Variants in NEK10 observed in about 807,000 individuals in gnomAD.
NEK10 encodes the protein serine/threonine-protein kinase Nek10.
NEK10 carries 122 observed loss-of-function variants against 159.8 expected under a neutral mutation model. That is an observed-to-expected ratio of 0.76 (90% CI 0.66 to 0.89). The LOEUF (loss-of-function observed/expected upper bound fraction) is 0.89. Ranked by LOEUF, NEK10 falls within the 40% of genes least tolerant of loss-of-function variation. NEK10 has a pLI of 0.00. For synonymous variants in NEK10, 466 were observed against 457.1 expected (o/e 1.02, Z -0.25); for missense variants, 1,342 against 1,323.1 (o/e 1.01, Z -0.22).
At chr3:27,310,497 C>T (rs1343115670) in intron 9 of NEK10, 1 of 152,446 alleles carries the variant, frequency 6.6e-6, no homozygotes, top group Non-Finnish European at 1.5e-5. Context: ...ACAGTCTAAA[C>T]AGTTTTGCTA....
chr3:27,301,441 T>G (rs796707730), intron 13 of NEK10, among the ~76,000 whole-genome samples: 12 of 152,340 alleles, frequency 7.9e-5, no homozygotes, highest in African/African-American at 2.9e-4. Context: ...GCTAATGTTT[T>G]GTATCCTTAT....
At chr3:27,300,826 G>GA (rs1203494358) in intron 13 of NEK10, among the ~76,000 whole-genome samples, 3 of 152,194 alleles carry the variant, frequency 2.0e-5, no homozygotes, top group Admixed American at 2.0e-4. Flanking sequence ...TGAGACAGGG[G>GA]CCTTTCAGAG....
chr3:27,362,473 G>C (rs1185522646), intron 1 of NEK10, among the ~76,000 whole-genome samples: 1 of 151,974 alleles, frequency 6.6e-6, no homozygotes, highest in African/African-American at 2.4e-5. Context: ...GAATTGACCT[G>C]AGATAATGTT....
chr3:27,134,731 A>G (rs2125537643), intron 31 of NEK10, among the ~76,000 whole-genome samples: 1 of 152,332 alleles, frequency 6.6e-6, no homozygotes, highest in East Asian at 1.9e-4. Context: ...TCTTACTGGA[A>G]TAATTATTAC....
intron 33 of NEK10, among the ~76,000 whole-genome samples, chr3:27,117,769 G>C (rs1246123214): frequency 6.6e-6 from 1 of 152,090 alleles, no homozygotes; most frequent in African/African-American, 2.4e-5. Flanking sequence ...TCTTTCTGTA[G>C]GTTGTCTGTA....
intron 18 of NEK10, 98 bp downstream of exon 18, chr3:27,291,164 T>C (rs2042966163): frequency 8.8e-7 from 1 of 1,140,322 alleles, no homozygotes; most frequent in African/African-American, 1.6e-5. Context: ...TTGCTATTTT[T>C]CAATGACAAG....
At chr3:27,348,431 T>C (rs2047723608) in intron 3 of NEK10, among the ~76,000 whole-genome samples, 1 of 152,170 alleles carries the variant, frequency 6.6e-6, no homozygotes, top group African/African-American at 2.4e-5. Context: ...GCATCGATAG[T>C]TGCAAAGACC....
chr3:27,184,296 T>C (rs1183208551), intron 26 of NEK10, among the ~76,000 whole-genome samples: 1 of 152,214 alleles, frequency 6.6e-6, no homozygotes, highest in Non-Finnish European at 1.5e-5. Context: ...CATAGATATT[T>C]TGTCATGGAA....
rs549686934 is a variant in NEK10 at position 27,250,517 on chromosome 3, T to C, written c.2090+5779A>G. 1.4e-4 allele frequency among the ~76,000 whole-genome samples: 22 copies of C among 152,290 alleles called. No homozygotes were observed. In the South Asian group the frequency reaches 4.6e-3, roughly 32 times the overall value. On this transcript the variant is annotated intron_variant, in intron 23 of 35. Coordinates refer to ENST00000691995, the MANE Select transcript of NEK10 (RefSeq NM_001394966.1). Reference sequence around the variant, plus strand: ...TTTACTATTACCAGTGAGTTTTGTATGTTCAGATGGTTTCTTATTCCTCAT... The same window carrying C: ...TTTACTATTACCAGTGAGTTTTGTACGTTCAGATGGTTTCTTATTCCTCAT...
intron 23 of NEK10, among the ~76,000 whole-genome samples, chr3:27,246,127 T>G (rs1269978665): frequency 6.6e-6 from 1 of 152,210 alleles, no homozygotes; most frequent in Admixed American, 6.5e-5. Context: ...CAGAGAGCTT[T>G]CTTTCTTGCG....
rs757903821 is a variant in NEK10 at position 27,200,860 on chromosome 3, G to A, written c.2291+650C>T. On this transcript the variant is annotated intron_variant, in intron 25 of 35. Coordinates refer to ENST00000691995, the MANE Select transcript of NEK10 (RefSeq NM_001394966.1). The stretch of plus-strand genomic sequence containing the variant: ...AGTTCTAGGAAACCATGAAAGCAAG[G>A]GCAAAAGTCTAGAAGGAGGGTGCAT... Among the ~76,000 whole-genome samples the A allele has an allele frequency of 3.7e-4, 56 of 152,042 alleles. 1 individual carries two copies. The highest frequency in any genetic ancestry group is 4.7e-4 in the Non-Finnish European group (32 of 68,010).
At chr3:27,238,476 C>T (rs998834042) in intron 23 of NEK10, among the ~76,000 whole-genome samples, 4 of 152,014 alleles carry the variant, frequency 2.6e-5, no homozygotes, top group African/African-American at 9.7e-5. Context: ...AAACTTTAAT[C>T]AACAAATTAT....
At chr3:27,242,798 C>T (rs541300220) in intron 23 of NEK10, among the ~76,000 whole-genome samples, 228 of 152,272 alleles carry the variant, frequency 1.5e-3, no homozygotes, top group Non-Finnish European at 2.2e-3. Context: ...ATGTGGCCTT[C>T]CTGGAACCCT....
rs1338107561 is a variant in NEK10, at chr3:27,155,450, CA to C, written c.2869+7250del. 2.0e-5 allele frequency among the ~76,000 whole-genome samples: 3 copies of C among 151,308 alleles called. No individual in the cohort carries two copies. In the East Asian group the frequency reaches 5.9e-4, roughly 30 times the overall value. The stretch of plus-strand genomic sequence containing the variant: ...CCGGGAGGCGGAGGTTGCAGTGAGC[CA>C]AAATTGCGCCACTGCACACCAGCCT... On this transcript the variant is annotated intron_variant, in intron 30 of 35. Transcript: ENST00000691995.
chr3:27,192,070 TC>T lies in NEK10; in HGVS notation c.2463del (p.Asn822ThrfsTer22), dbSNP rs778696873. ...RTQRYFMEAN[R>X]NTVTCHHELA... ...AGCTCATGGTGACATGTGACGGTGT[TC>T]CGGTTGGCTTCCATAAAATACCTTT... is the stretch of plus-strand genomic sequence containing the variant. On this transcript the variant is annotated frameshift_variant, in exon 26 of 36. Transcript: ENST00000691995. LOFTEE classifies it high-confidence loss of function. 1 of 1,614,208 alleles carries T rather than the reference TC, an allele frequency of 6.2e-7. No individual in the cohort carries two copies. Among genetic ancestry groups the T allele is most frequent in the Non-Finnish European group, 8.5e-7 (1 of 1,180,034 alleles).
intron 6 of NEK10, among the ~76,000 whole-genome samples, chr3:27,314,662 A>G (rs2045010850): frequency 6.6e-6 from 1 of 152,214 alleles, no homozygotes. Flanking sequence ...TTCATTCAAT[A>G]TTCTCATGTT....
intron 7 of NEK10, 52 bp from the exon 8 acceptor site, chr3:27,312,229 G>C (rs1291186361): frequency 9.8e-7 from 1 of 1,024,686 alleles, no homozygotes; most frequent in African/African-American, 1.6e-5. Context: ...AAGCACCCAA[G>C]GAAGCAAGGA....
At chr3:27,135,790 C>A (rs764510107) in intron 31 of NEK10, among the ~76,000 whole-genome samples, 9 of 152,178 alleles carry the variant, frequency 5.9e-5, no homozygotes, top group Non-Finnish European at 1.3e-4. Flanking sequence ...AATTTACAAA[C>A]CCTGAAAATG....
In NEK10 at chr3:27,297,253, C is replaced by T. The variant is rs532097405; in HGVS notation, c.1169-13G>A. ...GCAGCACAGCAGGCTGGAATGACAACAATCAAATGCATAGTGTGCATCATT... is the reference window on the plus strand; with the variant it reads ...GCAGCACAGCAGGCTGGAATGACAATAATCAAATGCATAGTGTGCATCATT... On this transcript the variant is annotated splice_polypyrimidine_tract_variant and intron_variant, in intron 13 of 35. Transcript: ENST00000691995. The T allele has an allele frequency of 1.3e-6, 2 of 1,582,900 alleles. No homozygotes were observed. Among genetic ancestry groups the T allele is most frequent in the South Asian group, 2.2e-5 (2 of 90,380 alleles).
Sources: allele counts gnomAD v4.1 joint callset (sites outside exome capture counted in the v4.1 genomes callset), GRCh38; gene constraint gnomAD v4.1.1; transcripts MANE v1.5; gene names NCBI Gene and HGNC (gene_info 2026-07-23, HGNC 2026-07-21).